SULF1: variants seen among roughly 807,000 people sequenced by gnomAD.
SULF1 encodes sulfatase 1, also known as extracellular sulfatase Sulf-1.
In SULF1, 46 loss-of-function variants were observed where a neutral mutation model predicts 110.5. The observed-to-expected ratio is 0.42, with a 90% CI of 0.33 to 0.53. The LOEUF (loss-of-function observed/expected upper bound fraction) is 0.53, where lower values mean the gene tolerates loss of function less well. SULF1 is among the 20% of genes least tolerant of loss of function. SULF1 has a pLI of 0.12. For missense variants in SULF1, 941 were observed against 1,094.2 expected (o/e 0.86, Z 1.98); for synonymous variants, 371 against 387.1 (o/e 0.96, Z 0.49).
Position 69,621,181 on chromosome 8 carries a change from G to A in SULF1, c.1524G>A (p.Glu508=). Residue 508 remains glutamate (E), a synonymous_variant, in exon 14 of 23, where the codon GAG becomes GAA. Transcript: ENST00000402687. ...HDKDKECSCR[E]SGYRASRSQR... is the part of the protein sequence containing the mutation. ...AAGACAAAGAGTGCAGTTGTAGGGAGTCTGGTTACCGTGCCAGCAGAAGCC... is the reference window on the plus strand; with the variant it reads ...AAGACAAAGAGTGCAGTTGTAGGGAATCTGGTTACCGTGCCAGCAGAAGCC... The A allele has an allele frequency of 6.2e-7, 1 of 1,614,114 alleles. No homozygotes were observed. Among genetic ancestry groups the A allele is most frequent in the Non-Finnish European group, 8.5e-7 (1 of 1,179,952 alleles).
intron 1 of SULF1, among the ~76,000 whole-genome samples, chr8:69,470,116 G>A (rs1264028884): frequency 1.3e-5 from 2 of 152,186 alleles, no homozygotes; most frequent in Non-Finnish European, 2.9e-5. Context: ...CCCAACCATC[G>A]CCACATAGAT....
chr8:69,503,611 T>C lies in SULF1; in HGVS notation c.-134+1643T>C, dbSNP rs368324262. Among the ~76,000 whole-genome samples the C allele has an allele frequency of 7.9e-5, 12 of 152,224 alleles. No individual in the cohort carries two copies. In the South Asian group the frequency reaches 2.3e-3, roughly 29 times the overall value. ...AACTCTAGCCTGATGCATCAATTTTTATGTTGGAAAAAACAAGGTTGGCCT... is the reference window on the plus strand; with the variant it reads ...AACTCTAGCCTGATGCATCAATTTTCATGTTGGAAAAAACAAGGTTGGCCT... On this transcript the variant is annotated intron_variant, in intron 3 of 22. Transcript: ENST00000402687.
chr8:69,570,201 A>G, intron 5 of SULF1, among the ~76,000 whole-genome samples: 1 of 152,172 alleles, frequency 6.6e-6, no homozygotes, highest in East Asian at 1.9e-4. Context: ...CAATCTTCAA[A>G]CCATGAATGC....
At chr8:69,627,937 G>A (rs2130602203) in intron 17 of SULF1, 71 bp downstream of exon 17, 1 of 1,187,052 alleles carries the variant, frequency 8.4e-7, no homozygotes, top group East Asian at 2.3e-5. Context: ...TTAGCACTGG[G>A]CTCATTTTTC....
Position 69,632,919 on chromosome 8 carries a change from G to A in SULF1, c.2284+3240G>A, listed in dbSNP as rs187464837. Among the ~76,000 whole-genome samples, 473 of 151,808 alleles carry A rather than the reference G, an allele frequency of 3.1e-3. 2 individuals carry two copies. Among genetic ancestry groups the A allele is most frequent in the African/African-American group, 0.011 (441 of 41,394 alleles). Reference sequence around the variant, plus strand: ...TGCCCGCCTGTAGTCCCAGCTACTCGGGAGGCTGAGGTGGGAGAATCACTT... The same window carrying A: ...TGCCCGCCTGTAGTCCCAGCTACTCAGGAGGCTGAGGTGGGAGAATCACTT... On this transcript the variant is annotated intron_variant, in intron 19 of 22. Transcript: ENST00000402687.
chr8:69,642,989 G>A (rs1046304823), intron 22 of SULF1, among the ~76,000 whole-genome samples: 2 of 152,144 alleles, frequency 1.3e-5, no homozygotes, highest in Admixed American at 6.5e-5. Flanking sequence ...GCAACATGGT[G>A]TTACCTGTTG....
At chr8:69,500,234 A>G (rs1810698677) in intron 2 of SULF1, among the ~76,000 whole-genome samples, 1 of 152,212 alleles carries the variant, frequency 6.6e-6, no homozygotes, top group Non-Finnish European at 1.5e-5. Flanking sequence ...TTGAACCCTT[A>G]TTTTGTGCTA....
intron 3 of SULF1, chr8:69,562,979 G>C (rs1196206676): frequency 6.6e-6 from 1 of 152,338 alleles, no homozygotes; most frequent in African/African-American, 2.4e-5. Flanking sequence ...ATTGATGGGG[G>C]ACAGTGAGGA....
At chr8:69,614,264 T>G (rs1471499672) in intron 13 of SULF1, among the ~76,000 whole-genome samples, 1 of 152,230 alleles carries the variant, frequency 6.6e-6, no homozygotes, top group African/African-American at 2.4e-5. Flanking sequence ...TCCAGGCTTT[T>G]TGAGCTTGCA....
At chr8:69,634,774 AAAGTTTT>A (rs1374139677) in intron 19 of SULF1, among the ~76,000 whole-genome samples, 3 of 152,076 alleles carry the variant, frequency 2.0e-5, no homozygotes, top group African/African-American at 7.2e-5. Flanking sequence ...GGAGAGAATA[AAAGTTTT>A]AAGTTGGAGA....
At chr8:69,595,409 C>G (rs1434961809) in intron 8 of SULF1, among the ~76,000 whole-genome samples, 1 of 152,194 alleles carries the variant, frequency 6.6e-6, no homozygotes, top group Non-Finnish European at 1.5e-5. Context: ...AATTATTTTT[C>G]TTATATACCT....
At chr8:69,571,256 G>A (rs991467164) in intron 5 of SULF1, among the ~76,000 whole-genome samples, 1 of 152,156 alleles carries the variant, frequency 6.6e-6, no homozygotes, top group South Asian at 2.1e-4. Context: ...AGCACATAGG[G>A]CAACCACAGC....
At chr8:69,622,880 C>T (rs974213399) in intron 14 of SULF1, among the ~76,000 whole-genome samples, 6 of 152,060 alleles carry the variant, frequency 3.9e-5, no homozygotes, top group Middle Eastern at 3.2e-3. Flanking sequence ...CCTACTGTCA[C>T]GGAGGTTGCT....
At chr8:69,565,571 C>A (rs1214067424) in intron 5 of SULF1, among the ~76,000 whole-genome samples, 1 of 152,188 alleles carries the variant, frequency 6.6e-6, no homozygotes, top group Non-Finnish European at 1.5e-5. Flanking sequence ...TGGATCCTCT[C>A]ATCTTTCCCA....
intron 3 of SULF1, among the ~76,000 whole-genome samples, chr8:69,528,771 A>G (rs1812871869): frequency 6.6e-6 from 1 of 152,178 alleles, no homozygotes. Flanking sequence ...AAAGCAGGCA[A>G]GATAGCTGAG....
chr8:69,502,466 T>G (rs1810870992), intron 3 of SULF1, among the ~76,000 whole-genome samples: 1 of 152,154 alleles, frequency 6.6e-6, no homozygotes, highest in South Asian at 2.1e-4. Flanking sequence ...TGGCAACCCA[T>G]CTCAGCAATT....
chr8:69,532,177 A>G (rs1276011067), intron 3 of SULF1, among the ~76,000 whole-genome samples: 1 of 152,174 alleles, frequency 6.6e-6, no homozygotes, highest in Non-Finnish European at 1.5e-5. Context: ...TTAAATTTCA[A>G]AATTGTTCAA....
intron 3 of SULF1, among the ~76,000 whole-genome samples, chr8:69,539,767 A>G (rs16936042): frequency 0.073 from 11,183 of 152,248 alleles, 753 homozygotes; most frequent in East Asian, 0.38. Context: ...GGGAGGCTTC[A>G]CTGAGGTCTG....
chr8:69,527,166 G>C (rs933886604), intron 3 of SULF1, among the ~76,000 whole-genome samples: 1 of 152,042 alleles, frequency 6.6e-6, no homozygotes, highest in Admixed American at 6.5e-5. Flanking sequence ...GAGTATACAA[G>C]GACTCTTCAG....
Sources: allele counts gnomAD v4.1 joint callset (sites outside exome capture counted in the v4.1 genomes callset), GRCh38; gene constraint gnomAD v4.1.1; transcripts MANE v1.5; gene names NCBI Gene and HGNC (gene_info 2026-07-23, HGNC 2026-07-21).